The following RANBP3 variants were observed in gnomAD, a reference collection of about 807,000 sequenced individuals.
The protein encoded by RANBP3 is ran-binding protein 3.
RANBP3 carries 14 observed loss-of-function variants against 77.3 expected under a neutral mutation model. The observed-to-expected ratio is 0.18, with a 90% CI of 0.12 to 0.28. The LOEUF (loss-of-function observed/expected upper bound fraction) is 0.28. Among genes scored for constraint, RANBP3 ranks in the 10% least tolerant of loss-of-function variants. The probability of loss-of-function intolerance (pLI) is 1.00; values close to 1 mark genes in which losing one functional copy is unlikely to be tolerated. For synonymous variants in RANBP3, 315 were observed against 312.4 expected, an observed-to-expected ratio of 1.01 and a Z score of -0.09; for missense variants, 586 against 752.3, an observed-to-expected ratio of 0.78 and a Z score of 2.59.
At chr19:5,955,682 T>C (rs1036167731) in intron 2 of RANBP3, among the ~76,000 whole-genome samples, 1 of 152,234 alleles carries the variant, frequency 6.6e-6, no homozygotes, top group Non-Finnish European at 1.5e-5. Flanking sequence ...CTATTGTTTG[T>C]TTTAAACCAG....
In RANBP3 at chr19:5,921,960, C is replaced by T. The variant is rs1029819706; in HGVS notation, c.1210-639G>A. On this transcript the variant is annotated intron_variant, in intron 13 of 16. Coordinates refer to ENST00000340578, the MANE Select transcript of RANBP3 (RefSeq NM_007322.3). This position sits in a 1 kb window ranked among gnomAD's most constrained non-coding sequence, Gnocchi z 5.3. Reference sequence around the variant, plus strand: ...GCCAGACACGAAAGGCCACATAGTGCGTTGATGCCATTTATATGAAATGTC... The same window carrying T: ...GCCAGACACGAAAGGCCACATAGTGTGTTGATGCCATTTATATGAAATGTC... Among the ~76,000 whole-genome samples, 8 of 152,114 alleles carry T rather than the reference C, an allele frequency of 5.3e-5. No individual in the cohort carries two copies. The highest frequency in any genetic ancestry group is 8.8e-5 in the Non-Finnish European group (6 of 68,028).
Position 5,921,051 on chromosome 19 carries a change from G to T in RANBP3, c.1330+150C>A. On this transcript the variant is annotated intron_variant, in intron 14 of 16. Transcript: ENST00000340578. The surrounding 1 kb of genome is among the most constrained non-coding windows in gnomAD (Gnocchi z 5.3). ...AGGGCTGGGTGCAGGGAGGGGGTTTGGGGGGCGGCTCTCATGGGAGACCGA... is the reference window on the plus strand; with the variant it reads ...AGGGCTGGGTGCAGGGAGGGGGTTTTGGGGGCGGCTCTCATGGGAGACCGA... The T allele has an allele frequency of 1.0e-6, 1 of 961,620 alleles. No homozygotes were observed. The highest frequency in any genetic ancestry group is 3.1e-5 in the East Asian group (1 of 32,738). 59.6% of individuals were successfully genotyped at this position (961,620 alleles called of 1,614,324 possible).
chr19:5,919,777 T>C (rs893261526), intron 14 of RANBP3, among the ~76,000 whole-genome samples: 6 of 151,724 alleles, frequency 4.0e-5, no homozygotes, highest in Non-Finnish European at 7.4e-5. Context: ...GGCGGGTGCC[T>C]ATAAGCCCAG....
At chr19:5,925,557 A>G in intron 10 of RANBP3, 77 bp downstream of exon 10, 1 of 1,298,680 alleles carries the variant, frequency 7.7e-7, no homozygotes, top group Non-Finnish European at 1.1e-6. Flanking sequence ...CGGGGACCAC[A>G]GACCCCTCTC....
intron 8 of RANBP3, among the ~76,000 whole-genome samples, chr19:5,929,026 T>C (rs1021424046): frequency 9.2e-5 from 14 of 151,964 alleles, no homozygotes; most frequent in African/African-American, 2.9e-4. Context: ...AACTCGGAGG[T>C]GAGAAAGGCT....
rs536052185 is a variant in RANBP3 at position 5,950,285 on chromosome 19, C to A, written c.282+1108G>T. On this transcript the variant is annotated intron_variant, in intron 3 of 16. Coordinates refer to ENST00000340578, the MANE Select transcript of RANBP3 (RefSeq NM_007322.3). ...TTCCCGCGGCTCCCGTGTCTCACTA[C>A]CCCAAACCCACTTTTGTGCCACGAA... 4.5e-4 allele frequency among the ~76,000 whole-genome samples: 68 copies of A among 152,280 alleles called. 2 individuals are homozygous for A. Among genetic ancestry groups the A allele is most frequent in the East Asian group, 3.1e-3 (16 of 5,178 alleles).
At chr19:5,962,932 G>C (rs1435763404) in intron 1 of RANBP3, among the ~76,000 whole-genome samples, 1 of 152,136 alleles carries the variant, frequency 6.6e-6, no homozygotes, top group African/African-American at 2.4e-5. Context: ...AGCAGCGTGT[G>C]AACACCGCTA....
intron 1 of RANBP3, among the ~76,000 whole-genome samples, chr19:5,974,766 T>C (rs2058570092): frequency 6.6e-6 from 1 of 152,118 alleles, no homozygotes; most frequent in South Asian, 2.1e-4. Context: ...CTGCCACCTG[T>C]ACAGAGGCCC....
chr19:5,927,706 G>A (rs978358022), intron 9 of RANBP3, among the ~76,000 whole-genome samples: 2 of 152,112 alleles, frequency 1.3e-5, no homozygotes, highest in East Asian at 1.9e-4. Flanking sequence ...CCCTGTCCCC[G>A]CTACCATGAG....
At chr19:5,968,028 AAAAG>A (rs1599798234) in intron 1 of RANBP3, among the ~76,000 whole-genome samples, 1 of 152,162 alleles carries the variant, frequency 6.6e-6, no homozygotes, top group Non-Finnish European at 1.5e-5. Context: ...AAAAAAAAAG[AAAAG>A]AAAGAAAAAA....
chr19:5,926,393 T>C (rs1471096101), intron 9 of RANBP3, among the ~76,000 whole-genome samples: 2 of 151,788 alleles, frequency 1.3e-5, no homozygotes, highest in African/African-American at 4.8e-5. Context: ...CTACTAAAAA[T>C]ACAAAAAATT....
chr19:5,949,678 A>T (rs1203368090), intron 3 of RANBP3, among the ~76,000 whole-genome samples: 1 of 152,172 alleles, frequency 6.6e-6, no homozygotes, highest in Non-Finnish European at 1.5e-5. Flanking sequence ...TCCACCTGCC[A>T]GTGTGGGGGA....
chr19:5,968,589 G>A (rs2058495369), intron 1 of RANBP3, among the ~76,000 whole-genome samples: 1 of 152,226 alleles, frequency 6.6e-6, no homozygotes, highest in Non-Finnish European at 1.5e-5. Flanking sequence ...GCCCGGCAAC[G>A]ACAAATGCGT....
At chr19:5,918,047 A>C (rs2057766663) in intron 15 of RANBP3, 67 bp from the exon 16 acceptor site, 2 of 1,482,040 alleles carry the variant, frequency 1.3e-6, no homozygotes, top group African/African-American at 1.4e-5. Flanking sequence ...TCTGCAGAAC[A>C]CAAGTGCCAA....
At chr19:5,927,260 C>T (rs1568450289) in intron 9 of RANBP3, among the ~76,000 whole-genome samples, 1 of 152,178 alleles carries the variant, frequency 6.6e-6, no homozygotes, top group Non-Finnish European at 1.5e-5. Context: ...ACTGCCATCC[C>T]TTCCCCACCA....
intron 8 of RANBP3, among the ~76,000 whole-genome samples, chr19:5,931,078 AC>A (rs2057983299): frequency 6.6e-6 from 1 of 151,998 alleles, no homozygotes; most frequent in Non-Finnish European, 1.5e-5. Context: ...CTCAAGGATC[AC>A]TCCCGTGAGA....
chr19:5,965,424 G>A (rs2058456028), intron 1 of RANBP3, among the ~76,000 whole-genome samples: 1 of 152,120 alleles, frequency 6.6e-6, no homozygotes, highest in South Asian at 2.1e-4. Flanking sequence ...CAGGGACCAG[G>A]ACTCAAAAAG....
At chr19:5,960,798 C>A (rs2058390501) in intron 1 of RANBP3, among the ~76,000 whole-genome samples, 1 of 152,196 alleles carries the variant, frequency 6.6e-6, no homozygotes, top group African/African-American at 2.4e-5. Flanking sequence ...GGCTGTGGTG[C>A]CAAGGTGCTG....
At chr19:5,972,403 T>C (rs952594023) in intron 1 of RANBP3, among the ~76,000 whole-genome samples, 3 of 152,152 alleles carry the variant, frequency 2.0e-5, no homozygotes, top group African/African-American at 7.2e-5. Flanking sequence ...TACCCTGATG[T>C]CCCAGGCCAC....
Sources: gnomAD v4.1 joint callset for allele counts (sites outside exome capture counted in the v4.1 genomes callset) on GRCh38, gnomAD v4.1.1 for gene constraint, Gnocchi (gnomAD v3.1) non-coding constraint, MANE v1.5 for transcripts, NCBI Gene and HGNC (gene_info 2026-07-23, HGNC 2026-07-21) for gene names.